AIMP1: variants seen among roughly 807,000 people sequenced by gnomAD.
AIMP1 encodes aminoacyl tRNA synthetase complex interacting multifunctional protein 1.
A neutral mutation model predicts 33.1 loss-of-function variants in AIMP1; 24 were observed. The observed-to-expected ratio is 0.73, with a 90% confidence interval of 0.53 to 1.02. The LOEUF (loss-of-function observed/expected upper bound fraction) is 1.02, where lower values mean the gene tolerates loss of function less well. AIMP1 is among the 50% of genes least tolerant of loss of function. The pLI, the probability that AIMP1 is intolerant of heterozygous loss-of-function variation, is 0.00. For synonymous variants in AIMP1, 120 were observed against 121.5 expected, an observed-to-expected ratio of 0.99 and a Z score of 0.08; for missense variants, 367 against 364.8, an observed-to-expected ratio of 1.01 and a Z score of -0.05.
intron 2 of AIMP1, 129 bp downstream of exon 2, chr4:106,325,247 A>C (rs1769414794): frequency 2.3e-6 from 2 of 871,288 alleles, no homozygotes; most frequent in Non-Finnish European, 3.5e-6. Context: ...GTAGAAAAAT[A>C]TCAAACCTGA....
rs1162521457 is a variant in AIMP1, at chr4:106,347,643, G to A, written c.890G>A (p.Gly297Glu). ...TYKGVPFEVK[G>E]KGVCRAQTMS... ...AAAGGAGTTCCCTTTGAGGTGAAAG[G>A]GAAGGGAGTATGTAGGGCTCAAACC... The change falls in exon 7 of 7, where the codon GGG becomes GAG. Residue 297 changes from glycine to glutamate, a missense_variant. Physicochemically the swap from Gly to Glu is moderately conservative, Grantham distance 98. Coordinates refer to ENST00000672341, the MANE Select transcript of AIMP1 (RefSeq NM_001142416.2). 6.2e-7 allele frequency: 1 copy of A among 1,613,270 alleles called. No individual in the cohort carries two copies. The highest frequency in any genetic ancestry group is 8.5e-7 in the Non-Finnish European group (1 of 1,179,616).
chr4:106,316,695 C>A, intron 1 of AIMP1, 101 bp downstream of exon 1: 1 of 1,174,228 alleles, frequency 8.5e-7, no homozygotes, highest in Non-Finnish European at 1.2e-6. Flanking sequence ...ACCTGGCCTG[C>A]GCTGCTAATG....
At chr4:106,338,021 A>G (rs2125926672) in intron 6 of AIMP1, among the ~76,000 whole-genome samples, 1 of 152,304 alleles carries the variant, frequency 6.6e-6, no homozygotes, top group South Asian at 2.1e-4. Context: ...AACTTGAGAA[A>G]GATGAGTTAG....
At chr4:106,321,721 G>A (rs1769258907) in intron 1 of AIMP1, among the ~76,000 whole-genome samples, 1 of 152,350 alleles carries the variant, frequency 6.6e-6, no homozygotes, top group East Asian at 1.9e-4. Context: ...TTGAGAACGG[G>A]CCATGATGAC....
upstream of AIMP1, chr4:106,316,340 A>C: frequency 1.8e-6 from 1 of 571,354 alleles, no homozygotes. Flanking sequence ...GCGAGAGAGA[A>C]AGAGGTGCGG....
chr4:106,333,914 A>G (rs914603203), intron 5 of AIMP1, among the ~76,000 whole-genome samples: 2 of 152,128 alleles, frequency 1.3e-5, no homozygotes, highest in African/African-American at 4.8e-5. Flanking sequence ...ACTTTTGAAT[A>G]CCATATTTAC....
intron 4 of AIMP1, among the ~76,000 whole-genome samples, chr4:106,331,115 G>A (rs1374995588): frequency 6.6e-6 from 1 of 152,178 alleles, no homozygotes; most frequent in South Asian, 2.1e-4. Flanking sequence ...TAAGTGAGGA[G>A]GAAAATATTT....
intron 4 of AIMP1, among the ~76,000 whole-genome samples, chr4:106,330,022 A>T (rs1312729907): frequency 6.6e-6 from 1 of 151,914 alleles, no homozygotes; most frequent in Non-Finnish European, 1.5e-5. Context: ...ATCTCAGGTG[A>T]TCCACCTGCC....
intron 2 of AIMP1, among the ~76,000 whole-genome samples, chr4:106,326,305 T>C (rs1769451565): frequency 6.6e-6 from 1 of 152,332 alleles, no homozygotes. Context: ...TTATACAAAT[T>C]TATGATAGGC....
chr4:106,333,674 A>G (rs1003531741), intron 5 of AIMP1, among the ~76,000 whole-genome samples: 1 of 152,164 alleles, frequency 6.6e-6, no homozygotes, highest in Non-Finnish European at 1.5e-5. Flanking sequence ...ATTATTCCCT[A>G]TTTAAAATTT....
chr4:106,331,600 C>T, intron 4 of AIMP1, 72 bp from the exon 5 acceptor site: 13 of 1,326,616 alleles, frequency 9.8e-6, no homozygotes, highest in Non-Finnish European at 1.3e-5. Context: ...GGTATGGATA[C>T]CATGGAGTTT....
chr4:106,347,458 GAA>G, intron 6 of AIMP1, 66 bp from the exon 7 acceptor site: 6 of 1,432,504 alleles, frequency 4.2e-6, no homozygotes, highest in Non-Finnish European at 5.7e-6. Context: ...AAATCTCTGT[GAA>G]TAGTCTCTTT....
chr4:106,316,914 A>G (rs1202607160), intron 1 of AIMP1, among the ~76,000 whole-genome samples: 2 of 152,226 alleles, frequency 1.3e-5, no homozygotes, highest in Non-Finnish European at 2.9e-5. Context: ...GGGTGAAGAC[A>G]GGAATTTATT....
rs1579642870 is a variant in AIMP1 at position 106,338,115 on chromosome 4, A to G, written c.772+1078A>G. On this transcript the variant is annotated intron_variant, in intron 6 of 6. Transcript: ENST00000672341. ...CTTAAGCATTCAGTTGTATTCATTC[A>G]CAAAGACATGGTTTGGAATTGGAAC... is the stretch of plus-strand genomic sequence containing the variant. Among the ~76,000 whole-genome samples the G allele has an allele frequency of 3.9e-5, 6 of 152,364 alleles. No homozygotes were observed. The East Asian group carries it at 1.2e-3, about 29-fold the overall frequency.
At chr4:106,324,880 T>C in intron 1 of AIMP1, 105 bp from the exon 2 acceptor site, 1 of 899,432 alleles carries the variant, frequency 1.1e-6, no homozygotes, top group Non-Finnish European at 1.6e-6. Flanking sequence ...TATTTATCTA[T>C]TACAGTAGAA....
At chr4:106,346,169 T>G (rs1770288343) in intron 6 of AIMP1, among the ~76,000 whole-genome samples, 1 of 152,076 alleles carries the variant, frequency 6.6e-6, no homozygotes, top group Admixed American at 6.6e-5. Context: ...GCTATTGAAC[T>G]TATATTAAAC....
upstream of AIMP1, chr4:106,316,358 G>GC: frequency 1.6e-6 from 1 of 607,272 alleles, no homozygotes; most frequent in South Asian, 2.0e-5. Flanking sequence ...CGGGGGGACG[G>GC]GGGGGGTCGA....
chr4:106,329,974 G>A (rs1769612160), intron 4 of AIMP1, among the ~76,000 whole-genome samples: 1 of 151,454 alleles, frequency 6.6e-6, no homozygotes, highest in Non-Finnish European at 1.5e-5. Context: ...GTAGAGACAG[G>A]GGTTCACCAT....
Position 106,331,843 on chromosome 4 carries a change from C to T in AIMP1, c.563C>T (p.Thr188Ile), listed in dbSNP as rs1769692856. 1.9e-6 allele frequency: 3 copies of T among 1,613,978 alleles called. No individual in the cohort carries two copies. The highest frequency in any genetic ancestry group is 2.5e-6 in the Non-Finnish European group (3 of 1,179,978). The change falls in exon 5 of 7, where the codon ACA becomes ATA. Residue 188 changes from threonine to isoleucine, a missense_variant. Physicochemically the swap from Thr to Ile is moderately conservative, Grantham distance 89. Coordinates refer to ENST00000672341, the MANE Select transcript of AIMP1 (RefSeq NM_001142416.2). ...GATGTCGGAGAAATAGCCCCAAGGACAGTTGTCAGTGGCCTGGTGAATCAT... is the reference window on the plus strand; with the variant it reads ...GATGTCGGAGAAATAGCCCCAAGGATAGTTGTCAGTGGCCTGGTGAATCAT... ...EVDVGEIAPR[T>I]VVSGLVNHVP...
Sources: gnomAD v4.1 joint callset for allele counts (sites outside exome capture counted in the v4.1 genomes callset) on GRCh38, gnomAD v4.1.1 for gene constraint, MANE v1.5 for transcripts, NCBI Gene and HGNC (gene_info 2026-07-23, HGNC 2026-07-21) for gene names.